COL12A1: variants seen among roughly 807,000 people sequenced by gnomAD.
COL12A1 encodes collagen type XII alpha 1 chain, also known as collagen alpha-1(XII) chain.
In COL12A1, 114 loss-of-function variants were observed where a neutral mutation model predicts 349.7. That is an observed-to-expected ratio of 0.33 (90% CI 0.28 to 0.38). The LOEUF (loss-of-function observed/expected upper bound fraction) is 0.38, where lower values mean the gene tolerates loss of function less well. Ranked by LOEUF, COL12A1 falls within the 10% of genes least tolerant of loss-of-function variation. The probability of loss-of-function intolerance (pLI) is 1.00; values close to 1 mark genes in which losing one functional copy is unlikely to be tolerated. For synonymous variants in COL12A1, 1,369 were observed against 1,329.0 expected, an observed-to-expected ratio of 1.03 and a Z score of -0.66; for missense variants, 3,284 against 3,756.9, an observed-to-expected ratio of 0.87 and a Z score of 3.29.
rs1491064231 is a variant in COL12A1, at chr6:75,085,423, C to CACACAG, written c.*1123_*1124insCTGTGT. The CACACAG allele has an allele frequency of 4.4e-6, 2 of 457,294 alleles. No homozygotes were observed. Among genetic ancestry groups the CACACAG allele is most frequent in the African/African-American group, 4.0e-5 (2 of 49,758 alleles). 28.3% of individuals were successfully genotyped at this position (457,294 alleles called of 1,614,324 possible). A position where few individuals can be genotyped will look rare whatever the true frequency, so the allele number is the denominator to read the frequency against. On this transcript the variant is annotated 3_prime_UTR_variant, in exon 66 of 66. Transcript: ENST00000322507. ...TTTGGAAGGCACACACACACACACA[C>CACACAG]AGCAAAAGCTAAATCATCACCCGCG...
chr6:75,127,540 G>C (rs1234165702), intron 38 of COL12A1, among the ~76,000 whole-genome samples: 1 of 152,166 alleles, frequency 6.6e-6, no homozygotes, highest in Non-Finnish European at 1.5e-5. Context: ...ATATCTACCA[G>C]TAACAAAACT....
At chr6:75,161,090 C>T (rs767324290) in intron 14 of COL12A1, among the ~76,000 whole-genome samples, 13 of 152,134 alleles carry the variant, frequency 8.5e-5, no homozygotes, top group Admixed American at 1.3e-4. Flanking sequence ...CACACACCCA[C>T]ACTCACTCAG....
chr6:75,133,763 T>A, intron 33 of COL12A1, 95 bp downstream of exon 33: 1 of 1,429,868 alleles, frequency 7.0e-7, no homozygotes, highest in Non-Finnish European at 9.7e-7. Flanking sequence ...ATTCTTCAGC[T>A]CTAAAGCAAA....
chr6:75,203,148 G>C (rs1411038382), intron 1 of COL12A1, among the ~76,000 whole-genome samples: 2 of 152,158 alleles, frequency 1.3e-5, no homozygotes, highest in Admixed American at 1.3e-4. Flanking sequence ...TAATTCAGAG[G>C]TCATTTTATC....
intron 24 of COL12A1, among the ~76,000 whole-genome samples, 155 bp from the exon 25 acceptor site, chr6:75,145,610 TC>T (rs374963607): frequency 3.3e-5 from 5 of 149,502 alleles, no homozygotes; most frequent in Admixed American, 6.6e-5. Context: ...GCTGATGTTT[TC>T]TTTTTTTTTT....
At chr6:75,153,044 A>G (rs939828897) in intron 17 of COL12A1, among the ~76,000 whole-genome samples, 1 of 152,188 alleles carries the variant, frequency 6.6e-6, no homozygotes, top group African/African-American at 2.4e-5. Flanking sequence ...CCACATATAT[A>G]TGAAGGATTA....
intron 31 of COL12A1, 26 bp downstream of exon 31, chr6:75,137,411 A>G: frequency 1.3e-6 from 2 of 1,539,226 alleles, no homozygotes; most frequent in Non-Finnish European, 1.7e-6. Flanking sequence ...AATTAATCCA[A>G]GTTATAATTT....
intron 30 of COL12A1, among the ~76,000 whole-genome samples, chr6:75,137,893 G>A (rs1766702216): frequency 6.6e-6 from 1 of 151,914 alleles, no homozygotes; most frequent in Admixed American, 6.6e-5. Flanking sequence ...ATTAGTCTTT[G>A]TAAGAAGAGA....
chr6:75,198,371 C>G (rs1302260974), intron 2 of COL12A1, among the ~76,000 whole-genome samples: 2 of 151,080 alleles, frequency 1.3e-5, no homozygotes, highest in Non-Finnish European at 2.9e-5. Flanking sequence ...TAATATATAC[C>G]TATATTTGTA....
rs77425231 is a variant in COL12A1, at chr6:75,134,742, C to T, written c.5508G>A (p.Thr1836=). 17,614 of 1,605,968 alleles carry T rather than the reference C, an allele frequency of 0.011. 158 individuals carry two copies. The highest frequency in any genetic ancestry group is 0.013 in the Non-Finnish European group (15,029 of 1,174,636). The stretch of plus-strand genomic sequence containing the variant: ...TTCACTTACTGGTCTTGCCTCTTCC[C>T]GTCATCCGACCTCCTTCACCATCAG... ...LYPDGEGGRM[T]GRGKTKPLNT... Residue 1836 remains threonine, a synonymous_variant, in exon 32 of 66, where the codon ACG becomes ACA. Coordinates refer to ENST00000322507, the MANE Select transcript of COL12A1 (RefSeq NM_004370.6).
intron 51 of COL12A1, among the ~76,000 whole-genome samples, chr6:75,109,919 TTGA>T (rs1178487147): frequency 1.3e-5 from 2 of 152,044 alleles, no homozygotes; most frequent in Admixed American, 6.6e-5. Context: ...AAGTAAGCCC[TTGA>T]TGATGACTTT....
In COL12A1 at chr6:75,090,085, C is replaced by T. The variant is rs764910176; in HGVS notation, c.8941+25G>A. The T allele has an allele frequency of 1.2e-6, 2 of 1,611,364 alleles. No individual in the cohort carries two copies. Among genetic ancestry groups the T allele is most frequent in the East Asian group, 2.2e-5 (1 of 44,840 alleles). ...CATTTGCAAATTCCTTCCTTTATCC[C>T]AATACAGAAGCCAGAAATGCCTACC... On this transcript the variant is annotated intron_variant, in intron 63 of 65. Transcript: ENST00000322507. The surrounding 1 kb of genome is among the most constrained non-coding windows in gnomAD (Gnocchi z 4.1).
chr6:75,102,517 T>A (rs568076353), intron 56 of COL12A1, 80 bp downstream of exon 56: 2 of 1,154,846 alleles, frequency 1.7e-6, no homozygotes, highest in African/African-American at 3.2e-5. Flanking sequence ...AACATTTGAT[T>A]TGGCAAAATG....
chr6:75,145,328 G>T lies in COL12A1; in HGVS notation c.4688C>A (p.Thr1563Asn). Reference protein sequence around the residue: ...TSEPVTVREVTLPLPRPQDLK... With the variant: ...TSEPVTVREVNLPLPRPQDLK... ...AATAAAACTAAGCAGTAGCTTACAG[G>T]TGACTTCCCGAACAGTGACAGGTTC... is the stretch of plus-strand genomic sequence containing the variant. The change falls in exon 25 of 66, where the codon ACC becomes AAC. Residue 1563 changes from threonine (T) to asparagine (N), a missense_variant and splice_region_variant. Thr to Asn is a moderately conservative substitution (Grantham distance 65, BLOSUM62 0). This residue lies in a region of COL12A1 where 2,601 missense variants were observed against 2,824.8 expected (regional missense o/e 0.92). Coordinates refer to ENST00000322507, the MANE Select transcript of COL12A1 (RefSeq NM_004370.6). The T allele has an allele frequency of 6.2e-7, 1 of 1,603,212 alleles. No homozygotes were observed. Among genetic ancestry groups the T allele is most frequent in the Non-Finnish European group, 8.5e-7 (1 of 1,172,198 alleles).
intron 11 of COL12A1, among the ~76,000 whole-genome samples, chr6:75,180,692 C>T (rs1210716058): frequency 6.6e-6 from 1 of 151,938 alleles, no homozygotes; most frequent in African/African-American, 2.4e-5. Context: ...AAGTTAATTC[C>T]ATAATTATCA....
intron 38 of COL12A1, 48 bp from the exon 39 acceptor site, chr6:75,126,518 G>C: frequency 5.1e-6 from 8 of 1,563,174 alleles, no homozygotes; most frequent in Non-Finnish European, 6.1e-6. Flanking sequence ...TTGGCACACA[G>C]GGAGAGCACA....
chr6:75,194,869 G>C lies in COL12A1; in HGVS notation c.152C>G (p.Pro51Arg), dbSNP rs774462920. ...CACCGTTATTCTGTAACCCACAATT[G>C]GATCAACTGGTTTTGCCCATGACAT... ...VHMSWAKPVD[P>R]IVGYRITVDP... Residue 51 changes from proline to arginine, a missense_variant, in exon 3 of 66, where the codon CCA becomes CGA. Pro to Arg is a moderately radical substitution (Grantham distance 103). Transcript: ENST00000322507. The C allele has an allele frequency of 6.2e-7, 1 of 1,611,786 alleles. No individual in the cohort carries two copies. The highest frequency in any genetic ancestry group is 8.5e-7 in the Non-Finnish European group (1 of 1,178,834).
chr6:75,105,669 G>T (rs1457985643), intron 53 of COL12A1, among the ~76,000 whole-genome samples: 1 of 151,936 alleles, frequency 6.6e-6, no homozygotes, highest in South Asian at 2.1e-4. Context: ...CTTCATTCAG[G>T]TCTCTGCTTA....
chr6:75,133,424 T>C lies in COL12A1; in HGVS notation c.5665-2A>G, dbSNP rs766762367. The stretch of plus-strand genomic sequence containing the variant: ...ATTGGTATTCCCGGGGATTGGTACC[T>C]AAAGATTTTAATAAAACAAAAAGCA... On this transcript the variant is annotated splice_acceptor_variant, in intron 33 of 65. Transcript: ENST00000322507. LOFTEE classifies it high-confidence loss of function. 6.3e-7 allele frequency: 1 copy of C among 1,597,562 alleles called. No homozygotes were observed.
Sources: gnomAD v4.1 joint callset for allele counts (sites outside exome capture counted in the v4.1 genomes callset) on GRCh38, gnomAD v4.1.1 for gene constraint, gnomAD v4.1.1 regional missense constraint, Gnocchi (gnomAD v3.1) non-coding constraint, MANE v1.5 for transcripts, NCBI Gene and HGNC (gene_info 2026-07-23, HGNC 2026-07-21) for gene names.